Variants in HGSNAT observed in about 807,000 individuals in gnomAD.
HGSNAT encodes the protein heparan-alpha-glucosaminide N-acetyltransferase.
HGSNAT carries 59 observed loss-of-function variants against 85.2 expected under a neutral mutation model. That is an observed-to-expected ratio of 0.69 (90% confidence interval 0.56 to 0.86). The LOEUF (loss-of-function observed/expected upper bound fraction) is 0.86, where lower values mean the gene tolerates loss of function less well. Ranked by LOEUF, HGSNAT falls within the 40% of genes least tolerant of loss-of-function variation. The pLI, the probability that HGSNAT is intolerant of heterozygous loss-of-function variation, is 0.00. For synonymous variants in HGSNAT, 321 were observed against 304.5 expected (o/e 1.05, Z -0.56); for missense variants, 756 against 777.1 (o/e 0.97, Z 0.32).
Position 43,158,976 on chromosome 8 carries a change from T to C in HGSNAT, c.425T>C (p.Ile142Thr). The C allele has an allele frequency of 6.2e-7, 1 of 1,613,296 alleles. No individual in the cohort carries two copies. Among genetic ancestry groups the C allele is most frequent in the South Asian group, 1.1e-5 (1 of 91,048 alleles). Residue 142 changes from isoleucine to threonine, a missense_variant, in exon 4 of 18, where the codon ATC becomes ACC. Transcript: ENST00000379644. ...FGNYSLLVKN[I>T]HNGVSEIACD... Reference sequence around the variant, plus strand: ...AACTATTCTCTCTTGGTAAAGAACATCCATAATGGAGTTAGTGAAATTGCC... The same window carrying C: ...AACTATTCTCTCTTGGTAAAGAACACCCATAATGGAGTTAGTGAAATTGCC...
intron 1 of HGSNAT, among the ~76,000 whole-genome samples, chr8:43,144,416 T>C (rs1377227280): frequency 6.6e-6 from 1 of 152,082 alleles, no homozygotes; most frequent in Non-Finnish European, 1.5e-5. Context: ...CCTGGATCAC[T>C]GTAATGTCTA....
At chr8:43,147,797 T>C (rs561457958) in intron 2 of HGSNAT, among the ~76,000 whole-genome samples, 1 of 152,250 alleles carries the variant, frequency 6.6e-6, no homozygotes, top group African/African-American at 2.4e-5. Flanking sequence ...TAGAGCTGAG[T>C]AGTACCTATA....
intron 10 of HGSNAT, 41 bp downstream of exon 10, chr8:43,178,275 A>G (rs1803885355): frequency 7.3e-7 from 1 of 1,370,278 alleles, no homozygotes; most frequent in African/African-American, 1.5e-5. Flanking sequence ...TCAGGTTGAA[A>G]TATGGAAACT....
At chr8:43,185,030 G>A (rs543565971) in intron 11 of HGSNAT, among the ~76,000 whole-genome samples, 1 of 152,270 alleles carries the variant, frequency 6.6e-6, no homozygotes, top group South Asian at 2.1e-4. Context: ...TGCTGTTTTG[G>A]TTACTGTAGC....
intron 5 of HGSNAT, among the ~76,000 whole-genome samples, chr8:43,163,093 G>A (rs758128516): frequency 3.3e-5 from 5 of 152,058 alleles, no homozygotes; most frequent in Admixed American, 2.0e-4. Context: ...GCTGAGGCAC[G>A]AAAATGGCTT....
chr8:43,184,600 GATGGTAGTT>G (rs1294169520), intron 11 of HGSNAT, among the ~76,000 whole-genome samples: 1 of 152,218 alleles, frequency 6.6e-6, no homozygotes, highest in Non-Finnish European at 1.5e-5. Context: ...TGTTCACTCT[GATGGTAGTT>G]TCTTTTGCTG....
In HGSNAT at chr8:43,193,794, G is replaced by T; in HGVS notation, c.1415G>T (p.Gly472Val). The change falls in exon 14 of 18, where the codon GGC becomes GTC. Residue 472 changes from glycine (G) to valine (V), a missense_variant. Coordinates refer to ENST00000379644, the MANE Select transcript of HGSNAT (RefSeq NM_152419.3). ...YHTEVAYDPE[G>V]ILGTINSIVM... is the part of the protein sequence containing the mutation. ...ACCGAGGTGGCCTATGACCCCGAGG[G>T]CATCCTGGGCACCATCAACTCCATC... The T allele has an allele frequency of 6.2e-7, 1 of 1,613,838 alleles. No individual in the cohort carries two copies. The highest frequency in any genetic ancestry group is 8.5e-7 in the Non-Finnish European group (1 of 1,179,802).
intron 5 of HGSNAT, among the ~76,000 whole-genome samples, chr8:43,164,543 G>A (rs920507440): frequency 6.6e-6 from 1 of 152,190 alleles, no homozygotes; most frequent in Non-Finnish European, 1.5e-5. Flanking sequence ...ACTTTGGGGG[G>A]CCTAGGCAGG....
At chr8:43,151,034 A>G (rs975796476) in intron 2 of HGSNAT, among the ~76,000 whole-genome samples, 11 of 152,184 alleles carry the variant, frequency 7.2e-5, no homozygotes, top group Non-Finnish European at 1.5e-4. Context: ...CATAAATAGT[A>G]AATACTAATG....
chr8:43,174,002 G>A, intron 9 of HGSNAT: 1 of 280,316 alleles, frequency 3.6e-6, no homozygotes, highest in Non-Finnish European at 6.8e-6. Flanking sequence ...AATTACCTGA[G>A]GTCAGGAGTT....
Position 43,140,589 on chromosome 8 carries a change from C to T in HGSNAT, c.93C>T (p.Arg31=), listed in dbSNP as rs979887228. ...ALLAPGGSSG[R]DAQAAPPRDL... Reference sequence around the variant, plus strand: ...TGGCCCCCGGCGGCTCTTCGGGGCGCGATGCCCAGGCCGCGCCGCCACGAG... The same window carrying T: ...TGGCCCCCGGCGGCTCTTCGGGGCGTGATGCCCAGGCCGCGCCGCCACGAG... Residue 31 remains arginine (R), a synonymous_variant, in exon 1 of 18, where the codon CGC becomes CGT. Coordinates refer to ENST00000379644, the MANE Select transcript of HGSNAT (RefSeq NM_152419.3). 5 of 1,235,278 alleles carry T rather than the reference C, an allele frequency of 4.0e-6. No individual in the cohort carries two copies. The highest frequency in any genetic ancestry group is 3.6e-5 in the Admixed American group (1 of 27,734). The allele number at this position is 1,235,278 out of a possible 1,614,324, so 76.5% of individuals were successfully genotyped here. A position where few individuals can be genotyped will look rare whatever the true frequency, so the allele number is the denominator to read the frequency against.
At chr8:43,182,418 G>C in intron 11 of HGSNAT, 158 bp downstream of exon 11, 1 of 712,036 alleles carries the variant, frequency 1.4e-6, no homozygotes, top group East Asian at 2.7e-5. Context: ...GATTACAGGT[G>C]TGAGCCACCA....
chr8:43,191,061 T>C (rs1205445235), intron 11 of HGSNAT, among the ~76,000 whole-genome samples: 3 of 152,230 alleles, frequency 2.0e-5, no homozygotes, highest in Admixed American at 6.5e-5. Flanking sequence ...GGTTCATCCA[T>C]GTTGCATATG....
chr8:43,200,214 AT>A lies in HGSNAT; in HGVS notation c.*646del, dbSNP rs2130827377. 6.6e-6 allele frequency: 1 copy of A among 152,230 alleles called. No homozygotes were observed. The highest frequency in any genetic ancestry group is 2.1e-4 in the South Asian group (1 of 4,824). The allele number at this position is 152,230 out of a possible 1,614,324, so 9.4% of individuals were successfully genotyped here. A position where few individuals can be genotyped will look rare whatever the true frequency, so the allele number is the denominator to read the frequency against. ...GTGTTATTCCCAAACCCTCTTACCT[AT>A]GTATCTGCCTGTCTGTCCATCATCT... On this transcript the variant is annotated 3_prime_UTR_variant, in exon 18 of 18. Coordinates refer to ENST00000379644, the MANE Select transcript of HGSNAT (RefSeq NM_152419.3).
intron 2 of HGSNAT, among the ~76,000 whole-genome samples, chr8:43,149,598 G>A (rs1802831016): frequency 6.6e-6 from 1 of 151,794 alleles, no homozygotes; most frequent in African/African-American, 2.4e-5. Context: ...TACTCAGGAG[G>A]CTGAGGCAGG....
intron 1 of HGSNAT, among the ~76,000 whole-genome samples, chr8:43,141,724 C>T (rs1586692339): frequency 6.6e-6 from 1 of 152,068 alleles, no homozygotes; most frequent in Admixed American, 6.5e-5. Context: ...AAAAGCGGCT[C>T]AGAGGATTAC....
At chr8:43,173,815 G>T in intron 9 of HGSNAT, 72 bp downstream of exon 9, 3 of 1,500,068 alleles carry the variant, frequency 2.0e-6, no homozygotes, top group East Asian at 2.3e-5. Context: ...TGATGCTGGA[G>T]CCTCTCTTCT....
chr8:43,170,792 CT>C (rs981405321), intron 7 of HGSNAT, 98 bp downstream of exon 7: 8 of 710,816 alleles, frequency 1.1e-5, no homozygotes, highest in Non-Finnish European at 1.6e-5. Flanking sequence ...TTTTACATAT[CT>C]TTTACTTTCT....
chr8:43,187,017 T>C (rs1488833437), intron 11 of HGSNAT, among the ~76,000 whole-genome samples: 5 of 152,254 alleles, frequency 3.3e-5, no homozygotes, highest in Non-Finnish European at 5.9e-5. Context: ...CAGTTTGTTA[T>C]AATTTCTGTT....
Sources: allele counts gnomAD v4.1 joint callset (sites outside exome capture counted in the v4.1 genomes callset), GRCh38; gene constraint gnomAD v4.1.1; transcripts MANE v1.5; gene names NCBI Gene and HGNC (gene_info 2026-07-23, HGNC 2026-07-21).